The following SLC35F1 variants were observed in gnomAD, a reference collection of about 807,000 sequenced individuals.
The protein encoded by SLC35F1 is solute carrier family 35 member F1.
SLC35F1 carries 14 observed loss-of-function variants against 48.7 expected under a neutral mutation model. The ratio of observed to expected loss-of-function variants is 0.29; its 90% confidence interval spans 0.19 to 0.45. The LOEUF is 0.45. SLC35F1 is among the 20% of genes least tolerant of loss of function. SLC35F1 has a pLI of 1.00. For synonymous variants in SLC35F1, 190 were observed against 202.2 expected (o/e 0.94, Z 0.51); for missense variants, 404 against 500.0 (o/e 0.81, Z 1.83).
chr6:118,251,058 C>T (rs568042511), intron 3 of SLC35F1, among the ~76,000 whole-genome samples: 3 of 152,216 alleles, frequency 2.0e-5, no homozygotes, highest in Non-Finnish European at 2.9e-5. Context: ...GAGGCCGAGG[C>T]GGGCAGGTCG....
chr6:118,110,978 C>T (rs1444878612), intron 1 of SLC35F1, among the ~76,000 whole-genome samples: 6 of 152,046 alleles, frequency 3.9e-5, no homozygotes, highest in East Asian at 1.9e-4. Context: ...CAACACTTTT[C>T]CTCCAGGGTA....
At chr6:117,914,084 TCCTA>T (rs1223559626) in intron 1 of SLC35F1, among the ~76,000 whole-genome samples, 4 of 135,526 alleles carry the variant, frequency 3.0e-5, no homozygotes, top group African/African-American at 1.1e-4. Context: ...AACAAAAGAA[TCCTA>T]TCTATCTATC....
intron 1 of SLC35F1, among the ~76,000 whole-genome samples, chr6:117,950,429 CTTAACA>C (rs1776349648): frequency 6.6e-6 from 1 of 152,196 alleles, no homozygotes; most frequent in African/African-American, 2.4e-5. Context: ...TCTCCCAGTT[CTTAACA>C]TTAAGGACTA....
chr6:118,118,309 T>C (rs1451858612), intron 1 of SLC35F1, among the ~76,000 whole-genome samples: 2 of 152,192 alleles, frequency 1.3e-5, no homozygotes, highest in African/African-American at 4.8e-5. Flanking sequence ...GTTTGAATAA[T>C]ACTTTAATTT....
At chr6:118,214,669 C>T (rs1775049527) in intron 2 of SLC35F1, among the ~76,000 whole-genome samples, 1 of 152,064 alleles carries the variant, frequency 6.6e-6, no homozygotes, top group Admixed American at 6.6e-5. Flanking sequence ...CATTGTAGCT[C>T]CATTGTCAGC....
chr6:118,018,997 A>G (rs1005830870), intron 1 of SLC35F1, among the ~76,000 whole-genome samples: 99 of 152,304 alleles, frequency 6.5e-4, no homozygotes, highest in Middle Eastern at 3.4e-3. Context: ...GAGCTCTTTA[A>G]GTTGAATGGG....
chr6:118,174,656 T>C (rs140536368), intron 2 of SLC35F1, among the ~76,000 whole-genome samples: 55 of 152,194 alleles, frequency 3.6e-4, no homozygotes, highest in African/African-American at 1.1e-3. Flanking sequence ...TAGCTGAGAA[T>C]TTTCCATATT....
intron 1 of SLC35F1, among the ~76,000 whole-genome samples, chr6:118,036,037 A>C (rs1772127328): frequency 6.6e-6 from 1 of 151,882 alleles, no homozygotes. Flanking sequence ...CATTTATCCC[A>C]TTTATTTCTG....
At chr6:118,252,748 A>G (rs1775592068) in intron 3 of SLC35F1, among the ~76,000 whole-genome samples, 1 of 152,162 alleles carries the variant, frequency 6.6e-6, no homozygotes, top group Non-Finnish European at 1.5e-5. Flanking sequence ...ACATTCAGAG[A>G]CTAGGGGAAA....
Position 118,031,322 on chromosome 6 carries a change from A to G in SLC35F1, c.174-123123A>G, listed in dbSNP as rs184462342. Among the ~76,000 whole-genome samples the G allele has an allele frequency of 1.7e-4, 26 of 152,308 alleles. 1 individual carries two copies. The highest frequency in any genetic ancestry group is 1.7e-3 in the Admixed American group (26 of 15,302). ...TGAAATACTACTTTCAAGGGCAGGT[A>G]TGAGGTCTACTGTGATTTTAGCTAA... On this transcript the variant is annotated intron_variant, in intron 1 of 7. Coordinates refer to ENST00000360388, the MANE Select transcript of SLC35F1 (RefSeq NM_001029858.4).
At chr6:118,305,048 ATGTGTGTGTGTGTGTGTGTG>A (rs758520455) in intron 7 of SLC35F1, among the ~76,000 whole-genome samples, 1,754 of 80,274 alleles carry the variant, frequency 0.022, 102 homozygotes, top group African/African-American at 0.09. Flanking sequence ...ATCAACAGGA[ATGTGTGTGTGTGTGTGTGTG>A]TGTGTGTGTG....
chr6:118,244,968 G>A (rs1021318783), intron 3 of SLC35F1, among the ~76,000 whole-genome samples: 1 of 152,196 alleles, frequency 6.6e-6, no homozygotes, highest in Non-Finnish European at 1.5e-5. Flanking sequence ...TTTATCACTA[G>A]TAAGTGCATT....
intron 1 of SLC35F1, among the ~76,000 whole-genome samples, chr6:118,030,862 A>G (rs7743460): frequency 0.34 from 50,966 of 152,094 alleles, 8,727 homozygotes; most frequent in East Asian, 0.48. Context: ...TTATATTCCT[A>G]TCTCACTCTT....
chr6:118,118,965 G>A (rs1284246156), intron 1 of SLC35F1, among the ~76,000 whole-genome samples: 1 of 147,832 alleles, frequency 6.8e-6, no homozygotes, highest in African/African-American at 2.5e-5. Flanking sequence ...TTGCTACAGA[G>A]TTCAGACATG....
chr6:118,230,725 G>A (rs1238277641), intron 2 of SLC35F1, among the ~76,000 whole-genome samples: 1 of 152,198 alleles, frequency 6.6e-6, no homozygotes, highest in Non-Finnish European at 1.5e-5. Context: ...GCTCATGCCT[G>A]TAAATCCCAG....
At chr6:118,111,348 G>A (rs748762903) in intron 1 of SLC35F1, among the ~76,000 whole-genome samples, 4 of 152,140 alleles carry the variant, frequency 2.6e-5, no homozygotes, top group Non-Finnish European at 4.4e-5. Context: ...AGTCAGAGGG[G>A]TTAGGAGAAG....
intron 1 of SLC35F1, among the ~76,000 whole-genome samples, chr6:118,097,115 C>T (rs62423660): frequency 1.3e-5 from 2 of 152,150 alleles, no homozygotes; most frequent in East Asian, 3.9e-4. Context: ...AGCTATCATT[C>T]CCCTCTTCAG....
At chr6:118,077,022 T>C (rs1411116812) in intron 1 of SLC35F1, among the ~76,000 whole-genome samples, 2 of 152,212 alleles carry the variant, frequency 1.3e-5, no homozygotes, top group Non-Finnish European at 2.9e-5. Context: ...TGTTCCCAAA[T>C]TTTATGTTTT....
chr6:118,068,702 C>T (rs1284297808), intron 1 of SLC35F1, among the ~76,000 whole-genome samples: 3 of 152,004 alleles, frequency 2.0e-5, no homozygotes, highest in African/African-American at 7.3e-5. Context: ...GAAAATATAC[C>T]ATTGAAAATG....
Sources: allele counts gnomAD v4.1 joint callset (sites outside exome capture counted in the v4.1 genomes callset), GRCh38; gene constraint gnomAD v4.1.1; transcripts MANE v1.5; gene names NCBI Gene and HGNC (gene_info 2026-07-23, HGNC 2026-07-21).